The following ASB3 variants were observed in gnomAD, a reference collection of about 807,000 sequenced individuals.
ASB3 encodes the protein ankyrin repeat and SOCS box protein 3.
A neutral mutation model predicts 54.5 loss-of-function variants in ASB3; 41 were observed. That is an observed-to-expected ratio of 0.75 (90% CI 0.59 to 0.98). The LOEUF is 0.98. Among genes scored for constraint, ASB3 ranks in the 50% least tolerant of loss-of-function variants. ASB3 has a pLI of 0.00. For synonymous variants in ASB3, 266 were observed against 221.2 expected, an observed-to-expected ratio of 1.20 and a Z score of -1.80; for missense variants, 733 against 620.0, an observed-to-expected ratio of 1.18 and a Z score of -1.94.
At chr2:53,757,544 T>C (rs565645438) in intron 2 of ASB3, among the ~76,000 whole-genome samples, 2 of 152,342 alleles carry the variant, frequency 1.3e-5, no homozygotes, top group African/African-American at 2.4e-5. Flanking sequence ...AAATTCTCCT[T>C]ACTTCTGAAT....
At chr2:53,768,309 G>A (rs1673644013) in intron 1 of ASB3, 2 of 350,968 alleles carry the variant, frequency 5.7e-6, no homozygotes, top group Non-Finnish European at 1.0e-5. Flanking sequence ...GCGGAGATGG[G>A]GACTCCATCT....
At chr2:53,731,178 G>C (rs951728799) in intron 3 of ASB3, among the ~76,000 whole-genome samples, 1 of 152,150 alleles carries the variant, frequency 6.6e-6, no homozygotes, top group Non-Finnish European at 1.5e-5. Flanking sequence ...AAGGCGGGTG[G>C]ACCACGAGTT....
At chr2:53,681,546 G>C (rs1668372718) in intron 9 of ASB3, among the ~76,000 whole-genome samples, 1 of 152,152 alleles carries the variant, frequency 6.6e-6, no homozygotes, top group Non-Finnish European at 1.5e-5. Flanking sequence ...TATGGCCAGA[G>C]ATAGGGGTCT....
At chr2:53,716,277 C>T (rs372967052) in intron 6 of ASB3, among the ~76,000 whole-genome samples, 3 of 151,984 alleles carry the variant, frequency 2.0e-5, no homozygotes, top group East Asian at 1.9e-4. Flanking sequence ...GAGGAGGAGG[C>T]GGCGGATACA....
chr2:53,686,824 C>T (rs1558516351), intron 9 of ASB3, among the ~76,000 whole-genome samples: 2 of 152,096 alleles, frequency 1.3e-5, no homozygotes, highest in South Asian at 4.1e-4. Flanking sequence ...GAGAATCAAG[C>T]GATTCTCCTG....
At chr2:53,702,144 T>C (rs1276958781) in intron 7 of ASB3, among the ~76,000 whole-genome samples, 1 of 152,182 alleles carries the variant, frequency 6.6e-6, no homozygotes, top group African/African-American at 2.4e-5. Context: ...ATTATTCACA[T>C]TGCCTTGTAT....
At chr2:53,677,287 C>CA (rs1668132097) in intron 9 of ASB3, among the ~76,000 whole-genome samples, 1 of 152,178 alleles carries the variant, frequency 6.6e-6, no homozygotes, top group Non-Finnish European at 1.5e-5. Context: ...AATCGCCTAA[C>CA]AAAGCACTTC....
At position 53,714,576 on chromosome 2, in the gene ASB3, A is replaced by G; in HGVS notation, c.788T>C (p.Leu263Ser). The G allele has an allele frequency of 6.2e-7, 1 of 1,613,730 alleles. No individual in the cohort carries two copies. The highest frequency in any genetic ancestry group is 8.5e-7 in the Non-Finnish European group (1 of 1,179,862). ...AAAQMGHTKI[L>S]DLLIPLTNRA... The stretch of plus-strand genomic sequence containing the variant: ...GTTAGTAAGTGGTATTAACAAGTCC[A>G]AGATTCTATAAATACACAAATTCAG... Residue 263 changes from leucine to serine, a missense_variant, in exon 7 of 10, where the codon TTG becomes TCG. Leu to Ser is a moderately radical substitution (Grantham distance 145). Transcript: ENST00000263634.
chr2:53,754,507 C>T (rs1276137954), intron 2 of ASB3, among the ~76,000 whole-genome samples: 2 of 152,288 alleles, frequency 1.3e-5, no homozygotes, highest in East Asian at 3.9e-4. Context: ...AACTTGAGAT[C>T]TTGAAATATT....
rs1432648367 is a variant in ASB3 at position 53,714,494 on chromosome 2, C to T, written c.870G>A (p.Gly290=). ...ATATTTCTAGGCAATCTTCATGTCCCCCAAACACTGCTGAGTAAACAGGGC... is the reference window on the plus strand; with the variant it reads ...ATATTTCTAGGCAATCTTCATGTCCTCCAAACACTGCTGAGTAAACAGGGC... ...KVSPVYSAVF[G]GHEDCLEILL... The change falls in exon 7 of 10, where the codon GGG becomes GGA. Residue 290 remains glycine, a synonymous_variant. Coordinates refer to ENST00000263634, the MANE Select transcript of ASB3 (RefSeq NM_016115.5). 1 of 1,614,220 alleles carries T rather than the reference C, an allele frequency of 6.2e-7. No homozygotes were observed. The highest frequency in any genetic ancestry group is 1.3e-5 in the African/African-American group (1 of 75,060).
intron 3 of ASB3, among the ~76,000 whole-genome samples, chr2:53,739,933 C>A (rs980036289): frequency 1.3e-5 from 2 of 152,118 alleles, no homozygotes; most frequent in Non-Finnish European, 2.9e-5. Flanking sequence ...TTCAGCCTCC[C>A]AAAATGTTGA....
intron 8 of ASB3, among the ~76,000 whole-genome samples, chr2:53,698,238 G>A (rs1021906243): frequency 6.6e-6 from 1 of 152,068 alleles, no homozygotes; most frequent in Non-Finnish European, 1.5e-5. Context: ...TAGAGCCCTG[G>A]GCCTGTGATG....
chr2:53,681,727 T>C (rs1668380833), intron 9 of ASB3, among the ~76,000 whole-genome samples: 1 of 152,206 alleles, frequency 6.6e-6, no homozygotes, highest in Non-Finnish European at 1.5e-5. Context: ...TGTGTCTGTG[T>C]TTATGCCAGT....
At chr2:53,733,001 A>G (rs1671404899) in intron 3 of ASB3, among the ~76,000 whole-genome samples, 1 of 152,326 alleles carries the variant, frequency 6.6e-6, no homozygotes, top group African/African-American at 2.4e-5. Context: ...TACTTTCTCA[A>G]GCCTACTGAG....
At chr2:53,729,623 G>C in intron 3 of ASB3, 53 bp from the exon 4 acceptor site, 2 of 1,498,132 alleles carry the variant, frequency 1.3e-6, no homozygotes, top group Non-Finnish European at 1.9e-6. Context: ...ATGTTTGTAG[G>C]ACTGGACACT....
chr2:53,778,796 C>G (rs912900568), intron 1 of ASB3, among the ~76,000 whole-genome samples: 1 of 152,072 alleles, frequency 6.6e-6, no homozygotes, highest in Admixed American at 6.5e-5. Flanking sequence ...GTCTAAGGAC[C>G]CTTAGGTTGA....
At chr2:53,718,621 C>G (rs1160012173) in intron 5 of ASB3, among the ~76,000 whole-genome samples, 1 of 152,096 alleles carries the variant, frequency 6.6e-6, no homozygotes. Flanking sequence ...AACTGCAAAG[C>G]AACCATCTAC....
chr2:53,776,363 G>A (rs1047289613), intron 1 of ASB3, among the ~76,000 whole-genome samples: 1 of 152,176 alleles, frequency 6.6e-6, no homozygotes, highest in East Asian at 1.9e-4. Flanking sequence ...GCAATTAGAT[G>A]ATAAATGTGC....
intron 7 of ASB3, among the ~76,000 whole-genome samples, chr2:53,702,058 T>C (rs1490631065): frequency 1.3e-5 from 2 of 152,202 alleles, no homozygotes; most frequent in African/African-American, 4.8e-5. Flanking sequence ...TAATCCCATA[T>C]AATATCTATT....
Sources: allele counts gnomAD v4.1 joint callset (sites outside exome capture counted in the v4.1 genomes callset), GRCh38; gene constraint gnomAD v4.1.1; transcripts MANE v1.5; gene names NCBI Gene and HGNC (gene_info 2026-07-23, HGNC 2026-07-21).